The following WDR70 variants were observed in gnomAD, a reference collection of about 807,000 sequenced individuals.
WDR70 encodes the protein WD repeat-containing protein 70.
WDR70 carries 53 observed loss-of-function variants against 88.6 expected under a neutral mutation model. The observed-to-expected ratio is 0.60, with a 90% CI of 0.48 to 0.75. The LOEUF is 0.75. Among genes scored for constraint, WDR70 ranks in the 30% least tolerant of loss-of-function variants. The pLI is 0.00. For missense variants in WDR70, 610 were observed against 823.2 expected (o/e 0.74, Z 3.17); for synonymous variants, 280 against 270.0 (o/e 1.04, Z -0.36).
chr5:37,663,285 A>G (rs1745749657), intron 10 of WDR70, among the ~76,000 whole-genome samples: 1 of 152,190 alleles, frequency 6.6e-6, no homozygotes, highest in African/African-American at 2.4e-5. Context: ...AAACCAGTTA[A>G]CTCCAGAACA....
intron 9 of WDR70, among the ~76,000 whole-genome samples, chr5:37,551,768 G>GTT (rs1176757597): frequency 0.017 from 1,598 of 92,730 alleles, 97 homozygotes; most frequent in African/African-American, 0.059. Flanking sequence ...TCATTGTTTA[G>GTT]TTTTTTTTTT....
chr5:37,641,074 G>A (rs1261426575), intron 10 of WDR70, among the ~76,000 whole-genome samples: 1 of 152,120 alleles, frequency 6.6e-6, no homozygotes, highest in Non-Finnish European at 1.5e-5. Context: ...ACAAACCAAT[G>A]ACCTTTAGCC....
At chr5:37,397,588 A>G (rs1218798534) in intron 5 of WDR70, among the ~76,000 whole-genome samples, 1 of 152,228 alleles carries the variant, frequency 6.6e-6, no homozygotes, top group Non-Finnish European at 1.5e-5. Flanking sequence ...GAAGTAGAAG[A>G]TGGGAGAGTG....
intron 9 of WDR70, among the ~76,000 whole-genome samples, chr5:37,522,389 T>G (rs1169468273): frequency 1.4e-5 from 2 of 147,236 alleles, no homozygotes; most frequent in African/African-American, 5.0e-5. Context: ...AAGAATCACT[T>G]GAACCCAGGA....
At chr5:37,740,188 G>A (rs1748432301) in intron 17 of WDR70, among the ~76,000 whole-genome samples, 1 of 152,186 alleles carries the variant, frequency 6.6e-6, no homozygotes, top group Non-Finnish European at 1.5e-5. Flanking sequence ...AACATTGCTA[G>A]AGGTTGCCTA....
intron 10 of WDR70, among the ~76,000 whole-genome samples, chr5:37,681,735 G>C (rs963860429): frequency 1.3e-5 from 2 of 152,190 alleles, no homozygotes; most frequent in South Asian, 4.1e-4. Flanking sequence ...AACATTTATT[G>C]ATTTGCATTT....
chr5:37,627,087 T>C (rs1236084852), intron 10 of WDR70, among the ~76,000 whole-genome samples: 1 of 152,140 alleles, frequency 6.6e-6, no homozygotes, highest in African/African-American at 2.4e-5. Context: ...TTTGATCTTT[T>C]GTGTATTTTT....
chr5:37,685,276 A>C (rs918683007), intron 10 of WDR70, among the ~76,000 whole-genome samples: 3 of 152,024 alleles, frequency 2.0e-5, no homozygotes, highest in Non-Finnish European at 4.4e-5. Flanking sequence ...GGGAAGGCAA[A>C]ATCCACTCAT....
chr5:37,456,721 A>G (rs1416364744), intron 7 of WDR70, among the ~76,000 whole-genome samples: 1 of 152,204 alleles, frequency 6.6e-6, no homozygotes, highest in African/African-American at 2.4e-5. Flanking sequence ...ACTTACAAAG[A>G]TATTTTACAC....
At chr5:37,681,499 C>T (rs1030431793) in intron 10 of WDR70, among the ~76,000 whole-genome samples, 7 of 152,082 alleles carry the variant, frequency 4.6e-5, no homozygotes, top group Non-Finnish European at 7.4e-5. Context: ...GCATTCTTGT[C>T]CTGTTTCTGG....
chr5:37,497,437 CCCTTCCGTCTTCCCTTT>C (rs1561875831), intron 8 of WDR70, among the ~76,000 whole-genome samples: 24 of 131,128 alleles, frequency 1.8e-4, no homozygotes, highest in African/African-American at 5.8e-4. Flanking sequence ...CTCTTCCCTT[CCCTTCCGTCTTCCCTTT>C]CCTTCCGTCT....
chr5:37,510,841 A>G (rs1044612567), intron 8 of WDR70, among the ~76,000 whole-genome samples: 1 of 152,164 alleles, frequency 6.6e-6, no homozygotes, highest in Non-Finnish European at 1.5e-5. Context: ...CAGTGATTTG[A>G]TAAAATATAG....
intron 9 of WDR70, among the ~76,000 whole-genome samples, chr5:37,567,154 A>T (rs1231868100): frequency 6.6e-6 from 1 of 152,204 alleles, no homozygotes; most frequent in African/African-American, 2.4e-5. Flanking sequence ...CTGGATATTG[A>T]TAAAAGATAC....
At chr5:37,733,963 G>A (rs191170538) in intron 17 of WDR70, among the ~76,000 whole-genome samples, 163 of 151,864 alleles carry the variant, frequency 1.1e-3, no homozygotes, top group Non-Finnish European at 8.4e-4. Flanking sequence ...ACTTATTTGT[G>A]TATGGAAATA....
intron 17 of WDR70, among the ~76,000 whole-genome samples, chr5:37,749,519 T>A (rs1464173220): frequency 6.6e-6 from 1 of 151,904 alleles, no homozygotes; most frequent in East Asian, 1.9e-4. Flanking sequence ...ACTGATGTAA[T>A]GAACCTGCAC....
At chr5:37,618,937 T>G (rs1049018365) in intron 10 of WDR70, among the ~76,000 whole-genome samples, 2 of 152,202 alleles carry the variant, frequency 1.3e-5, no homozygotes, top group Non-Finnish European at 2.9e-5. Context: ...AGGTAATGTT[T>G]GGATTCTGAA....
rs1006184793 is a variant in WDR70 at position 37,681,235 on chromosome 5, T to G, written c.1093-16420T>G. The stretch of plus-strand genomic sequence containing the variant: ...ATGGGATTGCATCTTGGCTTGGCTG[T>G]TTTTTGTGTATAGGAATGCTAGTGA... On this transcript the variant is annotated intron_variant, in intron 10 of 17. Transcript: ENST00000265107. Among the ~76,000 whole-genome samples the G allele has an allele frequency of 6.6e-5, 10 of 152,180 alleles. No homozygotes were observed. The East Asian group carries it at 1.7e-3, about 26-fold the overall frequency.
intron 13 of WDR70, among the ~76,000 whole-genome samples, chr5:37,716,161 A>C (rs1747648815): frequency 6.6e-6 from 1 of 152,214 alleles, no homozygotes; most frequent in Non-Finnish European, 1.5e-5. Flanking sequence ...AGTTTGGTTT[A>C]CAGTATGGGT....
intron 9 of WDR70, among the ~76,000 whole-genome samples, chr5:37,531,587 CTTTTTTTTTTT>C (rs149831770): frequency 5.1e-5 from 4 of 77,736 alleles, no homozygotes; most frequent in African/African-American, 1.0e-4. Flanking sequence ...TAAAGTTTTT[CTTTTTTTTTTT>C]TTTTTTTTTG....
Sources: gnomAD v4.1 joint callset for allele counts (sites outside exome capture counted in the v4.1 genomes callset) on GRCh38, gnomAD v4.1.1 for gene constraint, MANE v1.5 for transcripts, NCBI Gene and HGNC (gene_info 2026-07-23, HGNC 2026-07-21) for gene names.